The following CAMK1D variants were observed in gnomAD, a reference collection of about 807,000 sequenced individuals.
The protein encoded by CAMK1D is calcium/calmodulin dependent protein kinase ID, also known as calcium/calmodulin-dependent protein kinase type 1D.
In CAMK1D, 9 loss-of-function variants were observed where a neutral mutation model predicts 47.7. The observed-to-expected ratio is 0.19, with a 90% CI of 0.11 to 0.33. The LOEUF is 0.33. CAMK1D is among the 10% of genes least tolerant of loss of function. The pLI is 1.00. For synonymous variants in CAMK1D, 184 were observed against 184.9 expected (o/e 0.99, Z 0.04); for missense variants, 291 against 488.7 (o/e 0.60, Z 3.81).
At chr10:12,817,868 T>C (rs963153904) in intron 8 of CAMK1D, among the ~76,000 whole-genome samples, 2 of 152,240 alleles carry the variant, frequency 1.3e-5, no homozygotes, top group Non-Finnish European at 2.9e-5. Context: ...TTTGTATTTT[T>C]AGTAGAGACA....
intron 1 of CAMK1D, among the ~76,000 whole-genome samples, chr10:12,508,743 T>C (rs1230430824): frequency 2.0e-5 from 3 of 152,198 alleles, no homozygotes. Flanking sequence ...CTGAGGCCTC[T>C]CTGCAGTTCA....
intron 1 of CAMK1D, among the ~76,000 whole-genome samples, chr10:12,396,422 G>C (rs539711202): frequency 1.3e-5 from 2 of 152,220 alleles, no homozygotes; most frequent in Non-Finnish European, 2.9e-5. Context: ...CTTATGCCCA[G>C]GGATAATGGG....
intron 1 of CAMK1D, among the ~76,000 whole-genome samples, chr10:12,513,816 C>A (rs1835109855): frequency 1.3e-5 from 2 of 151,976 alleles, no homozygotes; most frequent in African/African-American, 2.4e-5. Flanking sequence ...AAAGCGAAAT[C>A]AAAAACGATG....
At chr10:12,395,363 C>T (rs906767421) in intron 1 of CAMK1D, among the ~76,000 whole-genome samples, 1 of 152,044 alleles carries the variant, frequency 6.6e-6, no homozygotes, top group African/African-American at 2.4e-5. Context: ...CCCTCTAATC[C>T]TGCCTTGGTT....
At chr10:12,698,944 T>C (rs1210931636) in intron 3 of CAMK1D, among the ~76,000 whole-genome samples, 1 of 152,232 alleles carries the variant, frequency 6.6e-6, no homozygotes, top group Non-Finnish European at 1.5e-5. Flanking sequence ...ATGCTGGGAT[T>C]ACAGGCATGA....
At chr10:12,695,937 G>C (rs1394177905) in intron 3 of CAMK1D, among the ~76,000 whole-genome samples, 1 of 151,844 alleles carries the variant, frequency 6.6e-6, no homozygotes, top group Non-Finnish European at 1.5e-5. Context: ...AATTAGCTGG[G>C]CCTGGTGGCG....
intron 2 of CAMK1D, among the ~76,000 whole-genome samples, chr10:12,630,654 A>G (rs1839354001): frequency 6.6e-6 from 1 of 152,028 alleles, no homozygotes; most frequent in African/African-American, 2.4e-5. Context: ...CCTGGCCTCA[A>G]GTGATCCTCC....
intron 1 of CAMK1D, among the ~76,000 whole-genome samples, chr10:12,472,911 C>G (rs1435506931): frequency 6.6e-6 from 1 of 152,174 alleles, no homozygotes; most frequent in Non-Finnish European, 1.5e-5. Flanking sequence ...CAGTTCTTGC[C>G]TTGCAGGAAC....
chr10:12,627,320 C>T (rs947350917), intron 2 of CAMK1D, among the ~76,000 whole-genome samples: 1 of 151,706 alleles, frequency 6.6e-6, no homozygotes, highest in Non-Finnish European at 1.5e-5. Context: ...TCCCTGACCT[C>T]GTGATCTGCC....
At chr10:12,415,608 T>A (rs987928810) in intron 1 of CAMK1D, among the ~76,000 whole-genome samples, 1 of 151,814 alleles carries the variant, frequency 6.6e-6, no homozygotes, top group Non-Finnish European at 1.5e-5. Flanking sequence ...CCCCCTGTAT[T>A]TATATTTTCT....
At position 12,664,739 on chromosome 10, in the gene CAMK1D, GTACT is replaced by G. The variant is rs546286245; in HGVS notation, c.225-1994_225-1991del. On this transcript the variant is annotated intron_variant, in intron 2 of 10. Transcript: ENST00000619168. ...TAAACAACCATGCAATACTTGGGAC[GTACT>G]TAAACTACAAAAGTATTCACCGTTT... 3.9e-5 allele frequency among the ~76,000 whole-genome samples: 6 copies of G among 152,330 alleles called. No homozygotes were observed. The South Asian group carries it at 1.2e-3, about 32-fold the overall frequency.
At chr10:12,762,339 C>A (rs906465352) in intron 4 of CAMK1D, among the ~76,000 whole-genome samples, 1 of 152,190 alleles carries the variant, frequency 6.6e-6, no homozygotes, top group Non-Finnish European at 1.5e-5. Flanking sequence ...TTTAAAGAAC[C>A]AGTCATAAAC....
intron 1 of CAMK1D, among the ~76,000 whole-genome samples, chr10:12,447,126 A>G (rs1475010928): frequency 6.6e-6 from 1 of 152,098 alleles, no homozygotes; most frequent in African/African-American, 2.4e-5. Flanking sequence ...TACTGAGTAT[A>G]TTCTTCTGCA....
At chr10:12,597,895 A>G (rs1232556889) in intron 2 of CAMK1D, among the ~76,000 whole-genome samples, 1 of 152,360 alleles carries the variant, frequency 6.6e-6, no homozygotes, top group East Asian at 1.9e-4. Context: ...ACCTGGACAT[A>G]AAGTGTTGGT....
chr10:12,429,694 C>T (rs1434289346), intron 1 of CAMK1D, among the ~76,000 whole-genome samples: 1 of 152,128 alleles, frequency 6.6e-6, no homozygotes, highest in Admixed American at 6.5e-5. Context: ...AGTCATCCAC[C>T]TCACTGTGCC....
chr10:12,751,109 A>AAGATG (rs1564535503), intron 3 of CAMK1D, among the ~76,000 whole-genome samples: 1 of 61,498 alleles, frequency 1.6e-5, no homozygotes, highest in Non-Finnish European at 3.2e-5. Context: ...AAGATAAGAT[A>AAGATG]AGATAAGATA....
At chr10:12,493,420 G>A (rs1289714143) in intron 1 of CAMK1D, among the ~76,000 whole-genome samples, 2 of 152,180 alleles carry the variant, frequency 1.3e-5, no homozygotes, top group Non-Finnish European at 2.9e-5. Context: ...TGTCTGAAAC[G>A]TCAGATGGAA....
At chr10:12,522,225 T>G (rs1177480905) in intron 1 of CAMK1D, among the ~76,000 whole-genome samples, 1 of 142,720 alleles carries the variant, frequency 7.0e-6, no homozygotes, top group Non-Finnish European at 1.5e-5. Context: ...TTATTGATCA[T>G]TCTTGGGTGT....
Position 12,694,199 on chromosome 10 carries a change from A to T in CAMK1D, c.299+27389A>T, listed in dbSNP as rs1462537066. On this transcript the variant is annotated intron_variant, in intron 3 of 10. Coordinates refer to ENST00000619168, the MANE Select transcript of CAMK1D (RefSeq NM_153498.4). ...TATTATATATAATATAATATATATTATATATTATGTATAATATAAAATATA... is the reference window on the plus strand; with the variant it reads ...TATTATATATAATATAATATATATTTTATATTATGTATAATATAAAATATA... Among the ~76,000 whole-genome samples the T allele has an allele frequency of 6.1e-5, 4 of 65,512 alleles. 1 individual carries two copies. Among genetic ancestry groups the T allele is most frequent in the East Asian group, 6.4e-4 (1 of 1,560 alleles). The allele number at this position is 65,512 out of a possible 152,430, so 43.0% of individuals were successfully genotyped here. A position where few individuals can be genotyped will look rare whatever the true frequency, so the allele number is the denominator to read the frequency against.
Sources: gnomAD v4.1 joint callset for allele counts (sites outside exome capture counted in the v4.1 genomes callset) on GRCh38, gnomAD v4.1.1 for gene constraint, MANE v1.5 for transcripts, NCBI Gene and HGNC (gene_info 2026-07-23, HGNC 2026-07-21) for gene names.